GPD2: variants seen among roughly 807,000 people sequenced by gnomAD.
GPD2 encodes the protein glycerol-3-phosphate dehydrogenase, mitochondrial.
GPD2 carries 54 observed loss-of-function variants against 82.4 expected under a neutral mutation model. That is an observed-to-expected ratio of 0.66 (90% CI 0.53 to 0.82). The LOEUF is 0.82. Ranked by LOEUF, GPD2 falls within the 40% of genes least tolerant of loss-of-function variation. The pLI is 0.00. For synonymous variants in GPD2, 288 were observed against 306.1 expected, an observed-to-expected ratio of 0.94 and a Z score of 0.62; for missense variants, 748 against 896.2, an observed-to-expected ratio of 0.83 and a Z score of 2.11.
intron 1 of GPD2, among the ~76,000 whole-genome samples, chr2:156,462,778 G>A (rs889078960): frequency 6.6e-6 from 1 of 152,170 alleles, no homozygotes; most frequent in African/African-American, 2.4e-5. Flanking sequence ...TAAAATTCTA[G>A]TAAGTAGCTC....
At chr2:156,531,707 C>T (rs1226821258) in intron 6 of GPD2, among the ~76,000 whole-genome samples, 1 of 152,194 alleles carries the variant, frequency 6.6e-6, no homozygotes, top group Admixed American at 6.5e-5. Flanking sequence ...TCCCACCTGG[C>T]CAGGAAGGAC....
chr2:156,503,400 G>A lies in GPD2; in HGVS notation c.274+7185G>A, dbSNP rs79435335. 7.4e-3 allele frequency among the ~76,000 whole-genome samples: 1,122 copies of A among 152,174 alleles called. 12 individuals are homozygous for A. The highest frequency in any genetic ancestry group is 0.024 in the Middle Eastern group (7 of 294). On this transcript the variant is annotated intron_variant, in intron 3 of 16. Coordinates refer to ENST00000438166, the MANE Select transcript of GPD2 (RefSeq NM_000408.5). ...TTCTGTTACATTTCAAGTCCATTGA[G>A]TTTTAATCTTATTTTTGAGTCAATT...
intron 6 of GPD2, among the ~76,000 whole-genome samples, chr2:156,526,537 T>A (rs2105297102): frequency 6.6e-6 from 1 of 152,312 alleles, no homozygotes; most frequent in African/African-American, 2.4e-5. Flanking sequence ...TGGTAAAATT[T>A]GTGTTGATAT....
At chr2:156,439,804 G>T (rs958523881) in intron 1 of GPD2, among the ~76,000 whole-genome samples, 17 of 151,734 alleles carry the variant, frequency 1.1e-4, no homozygotes, top group African/African-American at 4.1e-4. Context: ...TCAAGATTGT[G>T]CCATTGCACT....
intron 16 of GPD2, among the ~76,000 whole-genome samples, chr2:156,582,352 C>A (rs1243547052): frequency 6.6e-6 from 1 of 151,252 alleles, no homozygotes; most frequent in Non-Finnish European, 1.5e-5. Context: ...ATTTAGGGGA[C>A]TCGAAGTTGT....
At chr2:156,421,393 A>C in the GPD2 span, among the ~76,000 whole-genome samples, 1 of 152,230 alleles carries the variant, frequency 6.6e-6, no homozygotes, top group Non-Finnish European at 1.5e-5. Flanking sequence ...AGTAGCCTGC[A>C]GTTCTGTACT....
At chr2:156,568,558 G>T (rs1338303842) in intron 9 of GPD2, among the ~76,000 whole-genome samples, 1 of 151,896 alleles carries the variant, frequency 6.6e-6, no homozygotes, top group Non-Finnish European at 1.5e-5. Context: ...GCTAACATTT[G>T]CCTCTTTTGC....
intron 2 of GPD2, among the ~76,000 whole-genome samples, chr2:156,488,083 C>CT (rs1280903628): frequency 6.6e-6 from 1 of 151,470 alleles, no homozygotes; most frequent in Non-Finnish European, 1.5e-5. Context: ...GGATGGGCTC[C>CT]TTTTTTTTTC....
chr2:156,566,100 T>TAATA (rs1295167306), intron 9 of GPD2, among the ~76,000 whole-genome samples: 1 of 152,112 alleles, frequency 6.6e-6, no homozygotes, highest in African/African-American at 2.4e-5. Flanking sequence ...TGGTATGGGC[T>TAATA]AATAAAGGTC....
At chr2:156,490,780 A>T (rs1230700983) in intron 2 of GPD2, among the ~76,000 whole-genome samples, 1 of 152,204 alleles carries the variant, frequency 6.6e-6, no homozygotes, top group Non-Finnish European at 1.5e-5. Context: ...AGTAGTACCT[A>T]ACTCATAAAG....
chr2:156,532,039 A>C (rs932371373), intron 6 of GPD2, among the ~76,000 whole-genome samples: 1 of 152,030 alleles, frequency 6.6e-6, no homozygotes, highest in Non-Finnish European at 1.5e-5. Flanking sequence ...AGTCTCGTTC[A>C]GTTGTTAGGC....
intron 1 of GPD2, among the ~76,000 whole-genome samples, chr2:156,463,087 G>C (rs1199029012): frequency 6.6e-6 from 1 of 152,140 alleles, no homozygotes; most frequent in Non-Finnish European, 1.5e-5. Flanking sequence ...AACAGACTGG[G>C]ACCTGAGACC....
intron 1 of GPD2, among the ~76,000 whole-genome samples, chr2:156,466,600 A>G (rs1449143677): frequency 6.6e-6 from 1 of 152,198 alleles, no homozygotes; most frequent in Admixed American, 6.5e-5. Context: ...CTAGAGTGCA[A>G]ACGTGTATCC....
In GPD2 at chr2:156,557,391, C is replaced by A; in HGVS notation, c.974C>A (p.Pro325Gln). ...VHIVMPGYYS[P>Q]ESMGLLDPAT... ...AATAATCCTTCTTTGTATCTCAGCC[C>A]AGAGAGCATGGGACTTCTTGACCCA... is the stretch of plus-strand genomic sequence containing the variant. The change falls in exon 9 of 17, where the codon CCA becomes CAA. Residue 325 changes from proline (P) to glutamine (Q), a missense_variant and splice_region_variant. Around this residue, in one of 3 missense-constraint regions of GPD2, gnomAD observed 692 missense variants for 809.7 expected, o/e 0.85. Transcript: ENST00000438166. The A allele has an allele frequency of 6.3e-7, 1 of 1,584,866 alleles. No individual in the cohort carries two copies. Among genetic ancestry groups the A allele is most frequent in the Non-Finnish European group, 8.7e-7 (1 of 1,153,988 alleles).
At chr2:156,568,723 C>T (rs541002892) in intron 9 of GPD2, 102 bp from the exon 10 acceptor site, 3 of 966,794 alleles carry the variant, frequency 3.1e-6, no homozygotes, top group East Asian at 2.5e-5. Flanking sequence ...AAAGTGCACA[C>T]ATGTGTATTC....
intron 9 of GPD2, 70 bp from the exon 10 acceptor site, chr2:156,568,755 T>A: frequency 7.3e-7 from 1 of 1,372,412 alleles, no homozygotes; most frequent in Non-Finnish European, 1.0e-6. Flanking sequence ...CTCTTTTTAT[T>A]AACTGTTTAA....
intron 13 of GPD2, among the ~76,000 whole-genome samples, chr2:156,571,759 C>CAACA (rs1687648495): frequency 6.6e-6 from 1 of 151,902 alleles, no homozygotes; most frequent in Non-Finnish European, 1.5e-5. Flanking sequence ...CACACACGCA[C>CAACA]AACACATACA....
At chr2:156,512,949 G>A (rs146041967) in intron 5 of GPD2, among the ~76,000 whole-genome samples, 4 of 152,172 alleles carry the variant, frequency 2.6e-5, no homozygotes, top group Non-Finnish European at 2.9e-5. Context: ...ATCATAGATC[G>A]CTTAGGACTT....
chr2:156,439,554 C>T (rs1196377972), intron 1 of GPD2, among the ~76,000 whole-genome samples: 1 of 48,980 alleles, frequency 2.0e-5, no homozygotes, highest in African/African-American at 7.3e-5. Context: ...AAAAAAAAAA[C>T]AAGCCAGGCA....
Sources: allele counts gnomAD v4.1 joint callset (sites outside exome capture counted in the v4.1 genomes callset), GRCh38; gene constraint gnomAD v4.1.1; regional missense constraint gnomAD v4.1.1; transcripts MANE v1.5; gene names NCBI Gene and HGNC (gene_info 2026-07-23, HGNC 2026-07-21).